GLCE: variants seen among roughly 807,000 people sequenced by gnomAD.
GLCE encodes the protein glucuronic acid epimerase.
In GLCE, 19 loss-of-function variants were observed where a neutral mutation model predicts 47.9. That is an observed-to-expected ratio of 0.40 (90% CI 0.28 to 0.58). GLCE has a LOEUF of 0.58. Ranked by LOEUF, GLCE falls within the 20% of genes least tolerant of loss-of-function variation. The pLI, the probability that GLCE is intolerant of heterozygous loss-of-function variation, is 0.48. For missense variants in GLCE, 556 were observed against 743.3 expected (o/e 0.75, Z 2.93); for synonymous variants, 245 against 263.4 (o/e 0.93, Z 0.68).
At position 69,242,130 on chromosome 15, in the gene GLCE, T is replaced by A. The variant is rs1320496104; in HGVS notation, c.-13-13664T>A. 5.9e-5 allele frequency among the ~76,000 whole-genome samples: 9 copies of A among 151,392 alleles called. No homozygotes were observed. The East Asian group carries it at 1.8e-3, about 30-fold the overall frequency. On this transcript the variant is annotated intron_variant, in intron 2 of 4. Transcript: ENST00000261858. ...AGGAAATCCATAGCTACAAGTTCAT[T>A]ATCCTGTGTTTGAAAAGGGCCTCAC... is the stretch of plus-strand genomic sequence containing the variant.
chr15:69,258,606 T>C (rs533708832), intron 3 of GLCE, among the ~76,000 whole-genome samples: 7 of 152,238 alleles, frequency 4.6e-5, no homozygotes, highest in Admixed American at 1.3e-4. Context: ...TGTGGGTACA[T>C]AGTAGGTGTA....
Position 69,271,460 on chromosome 15 carries a change from G to A in GLCE, c.*2216G>A, listed in dbSNP as rs1049194108. 3 of 152,644 alleles carry A rather than the reference G, an allele frequency of 2.0e-5. No homozygotes were observed. The highest frequency in any genetic ancestry group is 2.0e-4 in the Admixed American group (3 of 15,282). 9.5% of individuals were successfully genotyped at this position (152,644 alleles called of 1,614,324 possible). A position where few individuals can be genotyped will look rare whatever the true frequency, so the allele number is the denominator to read the frequency against. ...ATTCAAGTGATTCTGATGCAGGTGA[G>A]CTGGGGGCATACAGGGAGGAACACT... is the stretch of plus-strand genomic sequence containing the variant. On this transcript the variant is annotated 3_prime_UTR_variant, in exon 5 of 5. Transcript: ENST00000261858.
At chr15:69,176,585 A>G (rs551466162) in intron 1 of GLCE, among the ~76,000 whole-genome samples, 1 of 152,274 alleles carries the variant, frequency 6.6e-6, no homozygotes, top group South Asian at 2.1e-4. Context: ...AATACAAATA[A>G]AAAGTAACAT....
At chr15:69,161,717 C>T (rs2051424839) in intron 1 of GLCE, among the ~76,000 whole-genome samples, 1 of 152,130 alleles carries the variant, frequency 6.6e-6, no homozygotes, top group African/African-American at 2.4e-5. Context: ...AGAAGCAGTG[C>T]GTTTGTTCTG....
intron 2 of GLCE, among the ~76,000 whole-genome samples, chr15:69,231,376 C>T (rs915109951): frequency 4.0e-5 from 6 of 151,764 alleles, no homozygotes; most frequent in Admixed American, 6.6e-5. Flanking sequence ...CTCCACCTCC[C>T]GGGTTCACGC....
chr15:69,242,722 C>A (rs1189582366), intron 2 of GLCE, among the ~76,000 whole-genome samples: 1 of 151,918 alleles, frequency 6.6e-6, no homozygotes. Flanking sequence ...TCATATTATT[C>A]TTTCTGCCTA....
chr15:69,215,405 G>C (rs1185273479), intron 2 of GLCE, among the ~76,000 whole-genome samples: 3 of 152,044 alleles, frequency 2.0e-5, no homozygotes, highest in Non-Finnish European at 4.4e-5. Flanking sequence ...TAAATCCTTA[G>C]TTTATACCTT....
intron 2 of GLCE, among the ~76,000 whole-genome samples, chr15:69,213,752 A>G (rs544027961): frequency 6.6e-6 from 1 of 152,196 alleles, no homozygotes; most frequent in African/African-American, 2.4e-5. Flanking sequence ...TCTTGCCTGC[A>G]GCTTCTGTGG....
At chr15:69,204,305 T>G in intron 1 of GLCE, among the ~76,000 whole-genome samples, 1 of 132,336 alleles carries the variant, frequency 7.6e-6, no homozygotes, top group Admixed American at 8.8e-5. Context: ...TTTTTTGAGA[T>G]GGAATCTCAC....
chr15:69,266,658 A>G (rs376106711), intron 4 of GLCE: 4 of 503,094 alleles, frequency 8.0e-6, no homozygotes, highest in East Asian at 1.5e-4. Flanking sequence ...CACACTAAAG[A>G]TTTTTTCAAG....
chr15:69,201,896 TTCC>T (rs2052080547), intron 1 of GLCE, among the ~76,000 whole-genome samples: 1 of 151,870 alleles, frequency 6.6e-6, no homozygotes, highest in Non-Finnish European at 1.5e-5. Flanking sequence ...GTTTTGCTTT[TTCC>T]TCCTCCTCCT....
chr15:69,238,850 A>AAT (rs1436071877), intron 2 of GLCE, among the ~76,000 whole-genome samples: 2 of 152,196 alleles, frequency 1.3e-5, no homozygotes, highest in African/African-American at 4.8e-5. Context: ...GATAGAGGGA[A>AAT]ATATATATAT....
At chr15:69,191,812 A>T (rs2051917445) in intron 1 of GLCE, among the ~76,000 whole-genome samples, 2 of 152,158 alleles carry the variant, frequency 1.3e-5, no homozygotes, top group Non-Finnish European at 2.9e-5. Flanking sequence ...GGCCTTTCTA[A>T]GGATAGCACT....
At chr15:69,242,837 G>A (rs1029405816) in intron 2 of GLCE, among the ~76,000 whole-genome samples, 1 of 151,774 alleles carries the variant, frequency 6.6e-6, no homozygotes, top group Non-Finnish European at 1.5e-5. Flanking sequence ...CTTGAGTTCA[G>A]AAGTTCAAGA....
At chr15:69,215,978 A>G (rs2052301504) in intron 2 of GLCE, among the ~76,000 whole-genome samples, 1 of 152,174 alleles carries the variant, frequency 6.6e-6, no homozygotes, top group Non-Finnish European at 1.5e-5. Context: ...AGCTGTTATT[A>G]TCTCTGACTA....
intron 1 of GLCE, among the ~76,000 whole-genome samples, chr15:69,183,201 A>G (rs1316700813): frequency 6.6e-6 from 1 of 152,184 alleles, no homozygotes; most frequent in South Asian, 2.1e-4. Context: ...GATTGTGTGG[A>G]TGATGAGATT....
intron 1 of GLCE, among the ~76,000 whole-genome samples, chr15:69,170,504 G>A (rs1328562405): frequency 6.6e-6 from 1 of 152,062 alleles, no homozygotes; most frequent in Non-Finnish European, 1.5e-5. Context: ...GCATATATAT[G>A]TATATGTGTA....
intron 3 of GLCE, chr15:69,260,877 A>G: frequency 2.0e-6 from 1 of 499,030 alleles, no homozygotes; most frequent in Non-Finnish European, 3.5e-6. Context: ...ACAAATAATG[A>G]ATGAGAGTGA....
chr15:69,178,014 T>G (rs572303192), intron 1 of GLCE, among the ~76,000 whole-genome samples: 5 of 152,218 alleles, frequency 3.3e-5, no homozygotes, highest in Non-Finnish European at 7.4e-5. Context: ...TGATGAGCAT[T>G]TGGGTTATTT....
Sources: gnomAD v4.1 joint callset for allele counts (sites outside exome capture counted in the v4.1 genomes callset) on GRCh38, gnomAD v4.1.1 for gene constraint, MANE v1.5 for transcripts, NCBI Gene and HGNC (gene_info 2026-07-23, HGNC 2026-07-21) for gene names.